Variants in AUTS2 observed in about 807,000 individuals in gnomAD.
AUTS2 encodes the protein activator of transcription and developmental regulator AUTS2, also known as autism susceptibility gene 2 protein.
Under a neutral mutation model 112.4 loss-of-function variants are expected in AUTS2, and 17 were observed. The observed-to-expected ratio is 0.15, with a 90% CI of 0.10 to 0.23. The LOEUF (loss-of-function observed/expected upper bound fraction) is 0.23, where lower values mean the gene tolerates loss of function less well. Ranked by LOEUF, AUTS2 falls within the 10% of genes least tolerant of loss-of-function variation. The probability of loss-of-function intolerance (pLI) is 1.00; values close to 1 mark genes in which losing one functional copy is unlikely to be tolerated. For missense variants in AUTS2, 1,510 were observed against 1,701.6 expected (o/e 0.89, Z 1.98); for synonymous variants, 751 against 702.7 (o/e 1.07, Z -1.09).
At chr7:70,548,209 G>C (rs1446253454) in intron 5 of AUTS2, among the ~76,000 whole-genome samples, 1 of 152,070 alleles carries the variant, frequency 6.6e-6, no homozygotes, top group African/African-American at 2.4e-5. Flanking sequence ...TTTGTAATTA[G>C]CCATATTCTT....
At chr7:70,775,065 A>G in intron 12 of AUTS2, 1 of 423,124 alleles carries the variant, frequency 2.4e-6, no homozygotes, top group East Asian at 4.2e-5. Context: ...AAACAGTGAA[A>G]CTCCTGGTGT....
At chr7:70,629,451 G>A (rs1460017762) in intron 5 of AUTS2, among the ~76,000 whole-genome samples, 3 of 151,350 alleles carry the variant, frequency 2.0e-5, no homozygotes, top group African/African-American at 4.9e-5. Flanking sequence ...CAGCCTGGGC[G>A]ACAAAGCGAG....
intron 4 of AUTS2, among the ~76,000 whole-genome samples, chr7:70,311,961 G>A (rs574642810): frequency 2.0e-5 from 3 of 152,236 alleles, no homozygotes; most frequent in Admixed American, 6.5e-5. Context: ...TGATCCGCCC[G>A]CCTTGGCCTC....
intron 4 of AUTS2, among the ~76,000 whole-genome samples, chr7:70,333,613 AATACTATGCAGC>A (rs1790857276): frequency 6.6e-6 from 1 of 152,230 alleles, no homozygotes; most frequent in Non-Finnish European, 1.5e-5. Flanking sequence ...TATACCACAG[AATACTATGCAGC>A]CATAAAAAGG....
chr7:70,155,027 C>T (rs1446437018), intron 4 of AUTS2, among the ~76,000 whole-genome samples: 3 of 152,152 alleles, frequency 2.0e-5, no homozygotes, highest in Non-Finnish European at 4.4e-5. Flanking sequence ...CTTTCTGCTG[C>T]CAGCCTGGTT....
Position 69,598,700 on chromosome 7 carries a change from G to C in AUTS2, c.-954G>C, listed in dbSNP as rs1019743444. On this transcript the variant is annotated 5_prime_UTR_variant, in exon 1 of 19. Transcript: ENST00000342771. ...GAGATTTCTTTCTGCTTTCCTCATCGACTGACTGACTCACCCCCTCCCTTT... is the reference window on the plus strand; with the variant it reads ...GAGATTTCTTTCTGCTTTCCTCATCCACTGACTGACTCACCCCCTCCCTTT... 1 of 154,800 alleles carries C rather than the reference G, an allele frequency of 6.5e-6. No individual in the cohort carries two copies. Among genetic ancestry groups the C allele is most frequent in the Non-Finnish European group, 1.4e-5 (1 of 69,570 alleles). The allele number at this position is 154,800 out of a possible 1,614,324, so 9.6% of individuals were successfully genotyped here.
chr7:70,230,760 C>CTACT (rs1812003926), intron 4 of AUTS2, among the ~76,000 whole-genome samples: 1 of 152,224 alleles, frequency 6.6e-6, no homozygotes, highest in Non-Finnish European at 1.5e-5. Context: ...TCTGACTGGC[C>CTACT]TACTGGTTTG....
intron 5 of AUTS2, among the ~76,000 whole-genome samples, chr7:70,664,927 G>A (rs992935673): frequency 1.3e-5 from 2 of 152,080 alleles, no homozygotes; most frequent in Non-Finnish European, 2.9e-5. Flanking sequence ...TAAAAAATTA[G>A]CCAGGCGTAG....
intron 5 of AUTS2, among the ~76,000 whole-genome samples, chr7:70,552,356 T>C (rs1801050022): frequency 6.6e-6 from 1 of 152,214 alleles, no homozygotes; most frequent in Non-Finnish European, 1.5e-5. Context: ...GCAAAATACT[T>C]CTTCCTGTTA....
At chr7:69,758,531 G>GA (rs1186060189) in intron 1 of AUTS2, among the ~76,000 whole-genome samples, 2 of 152,128 alleles carry the variant, frequency 1.3e-5, no homozygotes, top group African/African-American at 4.8e-5. Flanking sequence ...CTCAGAACGG[G>GA]TAAAATGGCC....
In AUTS2 at chr7:70,511,256, G is replaced by A. The variant is rs914927878; in HGVS notation, c.690+75475G>A. 5.3e-5 allele frequency among the ~76,000 whole-genome samples: 8 copies of A among 152,132 alleles called. 1 individual carries two copies. Among genetic ancestry groups the A allele is most frequent in the African/African-American group, 1.7e-4 (7 of 41,416 alleles). On this transcript the variant is annotated intron_variant, in intron 5 of 18. Coordinates refer to ENST00000342771, the MANE Select transcript of AUTS2 (RefSeq NM_015570.4). ...AGCATTTGCAAACTGCCACAGCAGAGCAAAGGAAGAAAAGAAAAACCAAAC... is the reference window on the plus strand; with the variant it reads ...AGCATTTGCAAACTGCCACAGCAGAACAAAGGAAGAAAAGAAAAACCAAAC...
chr7:70,264,883 G>A (rs1348437027), intron 4 of AUTS2, among the ~76,000 whole-genome samples: 1 of 152,194 alleles, frequency 6.6e-6, no homozygotes, highest in Non-Finnish European at 1.5e-5. Context: ...AGGATGGTTA[G>A]ACACTTAGAC....
At chr7:69,796,167 C>T (rs989318540) in intron 1 of AUTS2, among the ~76,000 whole-genome samples, 2 of 152,104 alleles carry the variant, frequency 1.3e-5, no homozygotes, top group East Asian at 3.9e-4. Flanking sequence ...AATCCATAGA[C>T]AGTGGGGTGA....
intron 1 of AUTS2, among the ~76,000 whole-genome samples, chr7:69,707,444 T>G (rs1798115337): frequency 6.6e-6 from 1 of 152,214 alleles, no homozygotes; most frequent in Non-Finnish European, 1.5e-5. Context: ...TTGAAGGGTA[T>G]GCAGGTGTAA....
intron 8 of AUTS2, among the ~76,000 whole-genome samples, chr7:70,765,313 G>A (rs764127941): frequency 3.3e-5 from 5 of 152,218 alleles, no homozygotes; most frequent in African/African-American, 4.8e-5. Context: ...GTCCCGTGTC[G>A]TCTGGGCTCC....
intron 1 of AUTS2, among the ~76,000 whole-genome samples, chr7:69,804,705 G>C (rs925014387): frequency 6.6e-6 from 1 of 152,188 alleles, no homozygotes; most frequent in African/African-American, 2.4e-5. Flanking sequence ...GTCGAGAATC[G>C]TGCTGAGTTT....
intron 6 of AUTS2, among the ~76,000 whole-genome samples, chr7:70,723,340 A>C (rs562055303): frequency 3.3e-5 from 5 of 152,150 alleles, no homozygotes; most frequent in Admixed American, 2.0e-4. Flanking sequence ...GTTCTGGGAG[A>C]CACCACATTC....
chr7:70,392,596 A>G (rs1455444484), intron 4 of AUTS2, among the ~76,000 whole-genome samples: 1 of 152,200 alleles, frequency 6.6e-6, no homozygotes, highest in Admixed American at 6.5e-5. Context: ...TCTGTCAGTA[A>G]AAAATAAAAA....
chr7:70,223,505 G>T (rs761847425), intron 4 of AUTS2, among the ~76,000 whole-genome samples: 4 of 152,132 alleles, frequency 2.6e-5, no homozygotes, highest in Non-Finnish European at 4.4e-5. Context: ...AACCTACTGC[G>T]CTGCCAGTTG....
Sources: allele counts gnomAD v4.1 joint callset (sites outside exome capture counted in the v4.1 genomes callset), GRCh38; gene constraint gnomAD v4.1.1; transcripts MANE v1.5; gene names NCBI Gene and HGNC (gene_info 2026-07-23, HGNC 2026-07-21).